MRM1: variants seen among roughly 807,000 people sequenced by gnomAD.
The protein encoded by MRM1 is mitochondrial rRNA methyltransferase 1, also known as rRNA methyltransferase 1, mitochondrial.
MRM1 carries 24 observed loss-of-function variants against 25.0 expected under a neutral mutation model. The observed-to-expected ratio is 0.96, with a 90% CI of 0.69 to 1.35. The LOEUF (loss-of-function observed/expected upper bound fraction) is 1.35. Among genes scored for constraint, MRM1 ranks in the 40% most tolerant of loss-of-function variants. The pLI, the probability that MRM1 is intolerant of heterozygous loss-of-function variation, is 0.00. For synonymous variants in MRM1, 188 were observed against 199.2 expected (o/e 0.94, Z 0.47); for missense variants, 431 against 464.1 (o/e 0.93, Z 0.65).
At chr17:36,609,973 T>C (rs1287079195), downstream of MRM1, among the ~76,000 whole-genome samples, 1 of 152,228 alleles carries the variant, frequency 6.6e-6, no homozygotes, top group Non-Finnish European at 1.5e-5. Context: ...TCGCTCAGGC[T>C]GGAGTGCAGT....
the MRM1 span, among the ~76,000 whole-genome samples, chr17:36,623,803 G>A: frequency 6.6e-6 from 1 of 152,100 alleles, no homozygotes; most frequent in Admixed American, 6.5e-5. Context: ...TTGGGGTCTC[G>A]CTGAGCCTCA....
chr17:36,608,195 T>C (rs1250669333), intron 4 of MRM1, 48 bp from the exon 5 acceptor site: 1 of 1,531,648 alleles, frequency 6.5e-7, no homozygotes, highest in Non-Finnish European at 8.8e-7. Context: ...TCTCTAAACA[T>C]CATCCTTCTC....
At chr17:36,614,096 CGAT>C in the MRM1 span, among the ~76,000 whole-genome samples, 1 of 151,628 alleles carries the variant, frequency 6.6e-6, no homozygotes, top group Non-Finnish European at 1.5e-5. Context: ...ACAATGATGA[CGAT>C]GATGATGAAA....
chr17:36,627,727 T>C, the MRM1 span, among the ~76,000 whole-genome samples: 1 of 137,212 alleles, frequency 7.3e-6, no homozygotes, highest in Non-Finnish European at 1.5e-5. Context: ...GAAGCTGGAG[T>C]GCAGTGGTGC....
At chr17:36,625,342 T>G in the MRM1 span, among the ~76,000 whole-genome samples, 845 of 149,306 alleles carry the variant, frequency 5.7e-3, 2 homozygotes, top group Non-Finnish European at 9.6e-3. Flanking sequence ...CTCCTTCGCC[T>G]TCTTCTTCTT....
At chr17:36,624,110 C>T in the MRM1 span, among the ~76,000 whole-genome samples, 4 of 152,288 alleles carry the variant, frequency 2.6e-5, no homozygotes, top group South Asian at 4.1e-4. The surrounding 1 kb of genome is among the most constrained non-coding windows in gnomAD (Gnocchi z 4.0). Flanking sequence ...CCAAGTCCAG[C>T]TGTGAAACAA....
At chr17:36,624,947 G>A in the MRM1 span, among the ~76,000 whole-genome samples, 2 of 152,126 alleles carry the variant, frequency 1.3e-5, no homozygotes, top group Non-Finnish European at 2.9e-5. The surrounding 1 kb of genome is among the most constrained non-coding windows in gnomAD (Gnocchi z 4.0). Flanking sequence ...ATGCTAGGAT[G>A]CTGACGTGAA....
At chr17:36,609,947 A>G (rs1234385198), downstream of MRM1, among the ~76,000 whole-genome samples, 1 of 152,070 alleles carries the variant, frequency 6.6e-6, no homozygotes, top group African/African-American at 2.4e-5. Flanking sequence ...TTTTTTTGAG[A>G]CAGGGTCTCA....
chr17:36,613,854 A>G (rs1330241077), downstream of MRM1, among the ~76,000 whole-genome samples: 1 of 151,894 alleles, frequency 6.6e-6, no homozygotes, highest in African/African-American at 2.4e-5. Context: ...CAAAAGCAGG[A>G]TGTCAGACAG....
At chr17:36,630,721 G>GTC in the MRM1 span, among the ~76,000 whole-genome samples, 1 of 152,272 alleles carries the variant, frequency 6.6e-6, no homozygotes, top group Non-Finnish European at 1.5e-5. Context: ...TGGGGGAGAG[G>GTC]TCTCGAATGG....
chr17:36,607,479 C>T (rs1301871822), intron 2 of MRM1, among the ~76,000 whole-genome samples, 191 bp from the exon 3 acceptor site: 2 of 151,790 alleles, frequency 1.3e-5, no homozygotes, highest in African/African-American at 4.8e-5. Flanking sequence ...AAAAACTAGC[C>T]GGGTGGGGTG....
At chr17:36,612,984 G>A (rs1275337991), downstream of MRM1, among the ~76,000 whole-genome samples, 1 of 152,170 alleles carries the variant, frequency 6.6e-6, no homozygotes, top group African/African-American at 2.4e-5. Flanking sequence ...ACTGGGAACT[G>A]CTGGAGGGAG....
At chr17:36,628,165 A>AT in the MRM1 span, among the ~76,000 whole-genome samples, 1 of 152,150 alleles carries the variant, frequency 6.6e-6, no homozygotes, top group African/African-American at 2.4e-5. Flanking sequence ...GTGTATGTAT[A>AT]TATTTTGAGT....
At chr17:36,612,549 G>C (rs1054790362), downstream of MRM1, among the ~76,000 whole-genome samples, 19 of 152,182 alleles carry the variant, frequency 1.2e-4, no homozygotes, top group African/African-American at 4.6e-4. Context: ...TGTGGCTGTG[G>C]GTGTGAAGGG....
At chr17:36,616,170 G>C in the MRM1 span, among the ~76,000 whole-genome samples, 1 of 152,210 alleles carries the variant, frequency 6.6e-6, no homozygotes, top group East Asian at 1.9e-4. Context: ...CACAGGGCCA[G>C]GCACGTGCTG....
the MRM1 span, among the ~76,000 whole-genome samples, chr17:36,614,179 G>A: frequency 2.0e-5 from 3 of 152,098 alleles, no homozygotes; most frequent in African/African-American, 7.2e-5. Flanking sequence ...TCTCTGGGGG[G>A]AAGGGCAAGT....
At chr17:36,612,405 G>A (rs1599589255), downstream of MRM1, among the ~76,000 whole-genome samples, 12 of 152,324 alleles carry the variant, frequency 7.9e-5, 3 homozygotes, top group Admixed American at 7.8e-4. Flanking sequence ...AAGAGGAAGG[G>A]TCTGAGGTCC....
the MRM1 span, among the ~76,000 whole-genome samples, chr17:36,633,084 A>G: frequency 6.6e-6 from 1 of 152,194 alleles, no homozygotes; most frequent in Non-Finnish European, 1.5e-5. Flanking sequence ...GTTCCCTTGA[A>G]TCCCCGATTT....
the MRM1 span, among the ~76,000 whole-genome samples, chr17:36,632,094 A>G: frequency 6.6e-6 from 1 of 151,798 alleles, no homozygotes; most frequent in African/African-American, 2.4e-5. Context: ...ACCTCAGGTG[A>G]TCCGCCCGCC....
Sources: allele counts gnomAD v4.1 joint callset (sites outside exome capture counted in the v4.1 genomes callset), GRCh38; gene constraint gnomAD v4.1.1; non-coding constraint Gnocchi (gnomAD v3.1); transcripts MANE v1.5; gene names NCBI Gene and HGNC (gene_info 2026-07-23, HGNC 2026-07-21).